The following LCORL variants were observed in gnomAD, a reference collection of about 807,000 sequenced individuals.
LCORL encodes ligand dependent nuclear receptor corepressor like, also known as ligand-dependent nuclear receptor corepressor-like protein.
Under a neutral mutation model 141.8 loss-of-function variants are expected in LCORL, and 41 were observed. The observed-to-expected ratio is 0.29, with a 90% CI of 0.23 to 0.38. LCORL has a LOEUF of 0.38. Among genes scored for constraint, LCORL ranks in the 10% least tolerant of loss-of-function variants. LCORL has a pLI of 1.00. For synonymous variants in LCORL, 618 were observed against 694.1 expected (o/e 0.89, Z 1.72); for missense variants, 1,759 against 2,035.0 (o/e 0.86, Z 2.61).
rs907571112 is a variant in LCORL at position 17,877,868 on chromosome 4, T to C, written c.1122A>G (p.Gln374=). 4.9e-6 allele frequency: 6 copies of C among 1,230,610 alleles called. No homozygotes were observed. In the Admixed American group the frequency reaches 1.3e-4, roughly 26 times the overall value. The allele number at this position is 1,230,610 out of a possible 1,614,324, so 76.2% of individuals were successfully genotyped here. ...GCTTAACGTGTTCAACAGTTACAGT[T>C]TGGCAAGATAAACAATGTAAATCTT... The change falls in exon 7 of 8, where the codon CAA becomes CAG. Residue 374 remains glutamine (Q), a synonymous_variant. Transcript: ENST00000635767.
At chr4:17,908,946 G>C in intron 5 of LCORL, 148 bp downstream of exon 5, 1 of 653,902 alleles carries the variant, frequency 1.5e-6, no homozygotes, top group South Asian at 3.3e-5. Flanking sequence ...CTGTAAATAG[G>C]TACTTCTCTC....
intron 4 of LCORL, among the ~76,000 whole-genome samples, 175 bp downstream of exon 4, chr4:17,961,728 G>C (rs1713824278): frequency 1.3e-5 from 2 of 151,860 alleles, no homozygotes; most frequent in Admixed American, 1.3e-4. Context: ...TACAAGACTA[G>C]TACTAGAATG....
In LCORL at chr4:17,884,214, C is replaced by T; in HGVS notation, c.776+1854G>A. On this transcript the variant is annotated intron_variant, in intron 6 of 7. Coordinates refer to ENST00000635767, the Ensembl canonical transcript of LCORL. This position sits in a 1 kb window ranked among gnomAD's most constrained non-coding sequence, Gnocchi z 4.4. ...TCTAGGACTGAAGAGGTTTTGGAAA[C>T]TTGATACATAACATCCAACAGACCA... The T allele has an allele frequency of 4.5e-6, 7 of 1,549,722 alleles. No individual in the cohort carries two copies. The highest frequency in any genetic ancestry group is 1.4e-5 in the African/African-American group (1 of 72,926).
chr4:17,930,177 A>G (rs1230784812), intron 4 of LCORL, among the ~76,000 whole-genome samples: 1 of 152,244 alleles, frequency 6.6e-6, no homozygotes, highest in Non-Finnish European at 1.5e-5. Context: ...TGCTATAGCC[A>G]CTTTGGAAAA....
intron 7 of LCORL, among the ~76,000 whole-genome samples, chr4:17,864,477 C>T (rs1355635931): frequency 6.6e-6 from 1 of 152,142 alleles, no homozygotes; most frequent in African/African-American, 2.4e-5. Flanking sequence ...GGTGGGATTA[C>T]AGGCATGAGC....
chr4:17,865,617 A>G (rs1321559455), intron 7 of LCORL, among the ~76,000 whole-genome samples: 1 of 152,248 alleles, frequency 6.6e-6, no homozygotes, highest in Non-Finnish European at 1.5e-5. Context: ...AGAAGTGTTT[A>G]AAGGGAAACT....
chr4:17,846,589 A>G (rs901695471), intron 7 of LCORL, among the ~76,000 whole-genome samples: 1 of 152,120 alleles, frequency 6.6e-6, no homozygotes, highest in Admixed American at 6.5e-5. Context: ...GTTGAAAAAA[A>G]TTTCCAAGAA....
At chr4:18,015,555 G>C (rs528959287) in intron 1 of LCORL, among the ~76,000 whole-genome samples, 2 of 151,954 alleles carry the variant, frequency 1.3e-5, no homozygotes, top group East Asian at 3.9e-4. Flanking sequence ...CACACTATTA[G>C]AAGGTGCCAC....
chr4:17,951,620 A>G (rs1473931663), intron 4 of LCORL, among the ~76,000 whole-genome samples: 1 of 152,158 alleles, frequency 6.6e-6, no homozygotes, highest in African/African-American at 2.4e-5. Context: ...TCTCCATGGC[A>G]TTTATCTATA....
intron 6 of LCORL, among the ~76,000 whole-genome samples, chr4:17,885,102 A>C (rs1728095419): frequency 6.6e-6 from 1 of 151,984 alleles, no homozygotes; most frequent in Non-Finnish European, 1.5e-5. Context: ...TCCATTATAA[A>C]AAGTACCCAA....
intron 6 of LCORL, among the ~76,000 whole-genome samples, chr4:17,885,817 T>C (rs1397368063): frequency 6.6e-6 from 1 of 151,950 alleles, no homozygotes; most frequent in Non-Finnish European, 1.5e-5. Context: ...TAGTTTGTAT[T>C]CTATAAGTTG....
chr4:17,903,632 T>C (rs1246480825), intron 5 of LCORL, among the ~76,000 whole-genome samples: 1 of 152,084 alleles, frequency 6.6e-6, no homozygotes, highest in African/African-American at 2.4e-5. Flanking sequence ...AGAGTATTTA[T>C]ACAAATCTAA....
exon 8 of LCORL, chr4:17,843,048 C>CT (rs1488284521): frequency 7.8e-6 from 2 of 254,940 alleles, no homozygotes; most frequent in African/African-American, 2.2e-5. Context: ...AAGTTTGTGG[C>CT]TTTTTTTCCT....
At chr4:17,843,726 T>C (rs1021163492) in exon 8 of LCORL, 1 of 184,112 alleles carries the variant, frequency 5.4e-6, no homozygotes, top group Non-Finnish European at 1.1e-5. Flanking sequence ...TAAAATCATG[T>C]CATTATGGAA....
At chr4:17,906,240 C>T (rs1731591082) in intron 5 of LCORL, among the ~76,000 whole-genome samples, 1 of 152,144 alleles carries the variant, frequency 6.6e-6, no homozygotes, top group Non-Finnish European at 1.5e-5. Flanking sequence ...TTTTAAGAAA[C>T]TACCCATCCA....
chr4:17,877,069 A>C, exon 7 of LCORL: 1 of 1,230,582 alleles, frequency 8.1e-7, no homozygotes, highest in Non-Finnish European at 1.0e-6. Flanking sequence ...TTTCTTGTAA[A>C]ATTTTCATCA....
chr4:17,941,256 G>A (rs1050517373), intron 4 of LCORL, among the ~76,000 whole-genome samples: 2 of 152,008 alleles, frequency 1.3e-5, no homozygotes, highest in African/African-American at 2.4e-5. Context: ...GGCACCTATA[G>A]TCCCACCTAC....
chr4:17,984,341 T>C (rs957469013), intron 1 of LCORL, among the ~76,000 whole-genome samples: 2 of 152,174 alleles, frequency 1.3e-5, no homozygotes, highest in Non-Finnish European at 2.9e-5. Context: ...TCAGTAGCAA[T>C]GGTACCAGCT....
intron 4 of LCORL, among the ~76,000 whole-genome samples, chr4:17,959,788 G>C (rs111533975): frequency 4.3e-4 from 65 of 152,048 alleles, no homozygotes; most frequent in African/African-American, 1.5e-3. Context: ...CCCTAAAAAT[G>C]ATTGCATTTG....
Sources: gnomAD v4.1 joint callset for allele counts (sites outside exome capture counted in the v4.1 genomes callset) on GRCh38, gnomAD v4.1.1 for gene constraint, Gnocchi (gnomAD v3.1) non-coding constraint, MANE v1.5 for transcripts, NCBI Gene and HGNC (gene_info 2026-07-23, HGNC 2026-07-21) for gene names.